The following DYM variants were observed in gnomAD, a reference collection of about 807,000 sequenced individuals.
The protein encoded by DYM is dymeclin.
A neutral mutation model predicts 93.1 loss-of-function variants in DYM; 78 were observed. That is an observed-to-expected ratio of 0.84 (90% confidence interval 0.70 to 1.01). DYM has a LOEUF of 1.01. Among genes scored for constraint, DYM ranks in the 50% least tolerant of loss-of-function variants. The pLI is 0.00. For synonymous variants in DYM, 321 were observed against 319.7 expected, an observed-to-expected ratio of 1.00 and a Z score of -0.04; for missense variants, 789 against 845.0, an observed-to-expected ratio of 0.93 and a Z score of 0.82.
chr18:49,085,306 A>C (rs1205239241), intron 17 of DYM, among the ~76,000 whole-genome samples: 1 of 152,216 alleles, frequency 6.6e-6, no homozygotes, highest in Non-Finnish European at 1.5e-5. Context: ...CTTTAAGTGA[A>C]CTATTTCATA....
At chr18:49,194,157 A>G (rs1376682422) in intron 14 of DYM, among the ~76,000 whole-genome samples, 1 of 152,252 alleles carries the variant, frequency 6.6e-6, no homozygotes, top group Non-Finnish European at 1.5e-5. Context: ...CAGTTGTGCA[A>G]GTCTGCATGT....
chr18:49,076,270 C>T lies in DYM; in HGVS notation c.2025+21132G>A, dbSNP rs1187013921. 4.6e-5 allele frequency among the ~76,000 whole-genome samples: 7 copies of T among 152,132 alleles called. No individual in the cohort carries two copies. The South Asian group carries it at 1.0e-3, about 22-fold the overall frequency. On this transcript the variant is annotated intron_variant, in intron 17 of 17. Coordinates refer to ENST00000675505, the MANE Select transcript of DYM (RefSeq NM_001353214.3). ...TATTATGATGTTTTAAACTTTGAGT[C>T]TGAAAGACACATTAAGAAAAATGCC... is the stretch of plus-strand genomic sequence containing the variant.
intron 2 of DYM, among the ~76,000 whole-genome samples, chr18:49,405,599 T>G (rs146146022): frequency 6.6e-6 from 1 of 152,340 alleles, no homozygotes; most frequent in East Asian, 1.9e-4. Flanking sequence ...GGTCTGTTTT[T>G]GTGCCAATAT....
At chr18:49,427,070 T>A (rs1426589104) in intron 2 of DYM, among the ~76,000 whole-genome samples, 1 of 152,114 alleles carries the variant, frequency 6.6e-6, no homozygotes, top group Non-Finnish European at 1.5e-5. Flanking sequence ...ATAAAACAGG[T>A]GATTCAGGCA....
chr18:49,326,314 A>C (rs1259718920), intron 8 of DYM, among the ~76,000 whole-genome samples: 3 of 152,190 alleles, frequency 2.0e-5, no homozygotes, highest in Admixed American at 1.3e-4. Flanking sequence ...TAGTTAAACT[A>C]AACAGAAAGG....
chr18:49,327,091 G>A (rs2062948929), intron 8 of DYM, among the ~76,000 whole-genome samples: 1 of 150,720 alleles, frequency 6.6e-6, no homozygotes, highest in Non-Finnish European at 1.5e-5. Flanking sequence ...TACAGAATGA[G>A]ACAGAAGAGG....
chr18:49,439,367 T>C (rs1260519946), intron 1 of DYM, among the ~76,000 whole-genome samples: 2 of 152,206 alleles, frequency 1.3e-5, no homozygotes, highest in Non-Finnish European at 1.5e-5. Context: ...ACTGATTCTA[T>C]CATTCCTCCC....
At chr18:49,130,730 T>C (rs1333079319) in intron 15 of DYM, among the ~76,000 whole-genome samples, 6 of 152,252 alleles carry the variant, frequency 3.9e-5, no homozygotes, top group Non-Finnish European at 8.8e-5. Flanking sequence ...TGGTAGGTGC[T>C]ATGGCAGATG....
intron 16 of DYM, among the ~76,000 whole-genome samples, chr18:49,098,039 C>CT (rs1302204020): frequency 2.6e-5 from 4 of 152,140 alleles, no homozygotes; most frequent in Non-Finnish European, 5.9e-5. Context: ...CCTATAATTA[C>CT]TTTTGCTTCA....
intron 5 of DYM, among the ~76,000 whole-genome samples, chr18:49,364,380 G>C (rs1647523633): frequency 6.6e-6 from 1 of 152,062 alleles, no homozygotes; most frequent in Non-Finnish European, 1.5e-5. Context: ...GGGAGGAAGA[G>C]GTTGCAGTGA....
chr18:49,431,810 G>C (rs2080344480), intron 1 of DYM: 1 of 152,116 alleles, frequency 6.6e-6, no homozygotes, highest in African/African-American at 2.4e-5. Context: ...CTGAGAGCAA[G>C]ATGCTTCCCC....
chr18:49,102,235 AGACATTAACTTATTTAAGGCTGTAAAT>A (rs995739464), intron 16 of DYM, among the ~76,000 whole-genome samples: 1 of 152,242 alleles, frequency 6.6e-6, no homozygotes, highest in African/African-American at 2.4e-5. Flanking sequence ...TGCGCTGTGC[AGACATTAACTTATTTAAGGCTGTAAAT>A]TTCTCTCTGG....
chr18:49,371,430 G>A (rs1367091391), intron 5 of DYM, among the ~76,000 whole-genome samples: 3 of 152,116 alleles, frequency 2.0e-5, no homozygotes, highest in Non-Finnish European at 4.4e-5. Flanking sequence ...CTGTGACTGT[G>A]CCACTGCACT....
intron 11 of DYM, among the ~76,000 whole-genome samples, chr18:49,270,159 T>C (rs1403393040): frequency 1.3e-5 from 2 of 152,200 alleles, no homozygotes; most frequent in Non-Finnish European, 2.9e-5. Context: ...CTCTACGATG[T>C]TCACAGAATG....
intron 15 of DYM, among the ~76,000 whole-genome samples, chr18:49,159,095 ATTATTTATG>A (rs2144948463): frequency 6.6e-6 from 1 of 152,330 alleles, no homozygotes; most frequent in South Asian, 2.1e-4. Flanking sequence ...ATATCTTTGT[ATTATTTATG>A]TACGTGTGTG....
intron 8 of DYM, among the ~76,000 whole-genome samples, chr18:49,289,404 T>TAAAAAAAAAAAAAAAAA (rs56240607): frequency 6.3e-4 from 21 of 33,522 alleles, no homozygotes; most frequent in Non-Finnish European, 7.5e-4. Context: ...TACAAATCAG[T>TAAAAAAAAAAAAAAAAA]AAAAAAAAAA....
intron 17 of DYM, among the ~76,000 whole-genome samples, chr18:49,045,931 C>T (rs2071434319): frequency 1.3e-5 from 2 of 152,154 alleles, no homozygotes; most frequent in Admixed American, 1.3e-4. Flanking sequence ...GCTCCCATCA[C>T]AGCGGGGAGA....
chr18:49,169,892 T>C lies in DYM; in HGVS notation c.1626-6105A>G, dbSNP rs118010289. Among the ~76,000 whole-genome samples, 47 of 152,104 alleles carry C rather than the reference T, an allele frequency of 3.1e-4. No homozygotes were observed. The East Asian group carries it at 8.9e-3, about 29-fold the overall frequency. On this transcript the variant is annotated intron_variant, in intron 14 of 17. Coordinates refer to ENST00000675505, the MANE Select transcript of DYM (RefSeq NM_001353214.3). ...TTAGGAAACGTCCATATTATCCAAA[T>C]AAAGAGATGAGGATGCCTTAAAGCA... is the stretch of plus-strand genomic sequence containing the variant.
At chr18:49,295,501 C>T (rs976142171) in intron 8 of DYM, among the ~76,000 whole-genome samples, 3 of 152,092 alleles carry the variant, frequency 2.0e-5, no homozygotes, top group Non-Finnish European at 2.9e-5. Context: ...TTGGCTAGAA[C>T]CCAGGCATAG....
Sources: gnomAD v4.1 joint callset for allele counts (sites outside exome capture counted in the v4.1 genomes callset) on GRCh38, gnomAD v4.1.1 for gene constraint, MANE v1.5 for transcripts, NCBI Gene and HGNC (gene_info 2026-07-23, HGNC 2026-07-21) for gene names.